AKAP7: variants seen among roughly 807,000 people sequenced by gnomAD.
AKAP7 encodes A-kinase anchoring protein 7.
In AKAP7, 39 loss-of-function variants were observed where a neutral mutation model predicts 39.5. The ratio of observed to expected loss-of-function variants is 0.99; its 90% confidence interval spans 0.76 to 1.29. AKAP7 has a LOEUF of 1.29. Ranked by LOEUF, AKAP7 falls within the 50% of genes most tolerant of loss-of-function variation. The probability of loss-of-function intolerance (pLI) is 0.00; values close to 1 mark genes in which losing one functional copy is unlikely to be tolerated. For missense variants in AKAP7, 414 were observed against 407.7 expected (o/e 1.02, Z -0.13); for synonymous variants, 140 against 139.1 (o/e 1.01, Z -0.05).
intron 7 of AKAP7, among the ~76,000 whole-genome samples, chr6:131,232,135 C>T (rs1342831914): frequency 2.6e-5 from 4 of 152,088 alleles, no homozygotes; most frequent in Admixed American, 6.6e-5. Flanking sequence ...TGGTTTCAAA[C>T]CTTATGATTT....
chr6:131,142,403 A>T (rs1801121413), intron 1 of AKAP7, among the ~76,000 whole-genome samples: 1 of 152,238 alleles, frequency 6.6e-6, no homozygotes, highest in Non-Finnish European at 1.5e-5. Context: ...GCTGTGGCTC[A>T]AAAGGCCCCA....
At chr6:131,231,166 A>T (rs1810592257) in intron 7 of AKAP7, among the ~76,000 whole-genome samples, 1 of 152,066 alleles carries the variant, frequency 6.6e-6, no homozygotes, top group Non-Finnish European at 1.5e-5. Context: ...TGGTTTGATA[A>T]CTCTCTAATT....
intron 7 of AKAP7, among the ~76,000 whole-genome samples, chr6:131,259,953 C>CT (rs397822975): frequency 4.6e-5 from 7 of 152,100 alleles, no homozygotes; most frequent in African/African-American, 1.4e-4. Context: ...TCTCTTGCCC[C>CT]TCATCCACCC....
At chr6:131,246,094 AATAT>A (rs57449798) in intron 7 of AKAP7, among the ~76,000 whole-genome samples, 22 of 143,950 alleles carry the variant, frequency 1.5e-4, no homozygotes, top group African/African-American at 2.0e-4. Flanking sequence ...CAGAAGTCCA[AATAT>A]ATATATATAT....
chr6:131,208,745 G>A (rs755621031), intron 6 of AKAP7, among the ~76,000 whole-genome samples: 1 of 152,222 alleles, frequency 6.6e-6, no homozygotes, highest in African/African-American at 2.4e-5. Flanking sequence ...CAACAACAGA[G>A]ATTCTTTTTT....
At chr6:131,270,607 C>A (rs567707862) in intron 7 of AKAP7, among the ~76,000 whole-genome samples, 1 of 152,106 alleles carries the variant, frequency 6.6e-6, no homozygotes, top group Non-Finnish European at 1.5e-5. Flanking sequence ...TAATGGGTTG[C>A]GTTGTAAGAA....
At chr6:131,154,711 T>C (rs1408619313) in intron 2 of AKAP7, among the ~76,000 whole-genome samples, 1 of 152,138 alleles carries the variant, frequency 6.6e-6, no homozygotes, top group Non-Finnish European at 1.5e-5. Flanking sequence ...ATTCTTAATG[T>C]CATCAAATAG....
chr6:131,261,513 A>C (rs1813336192), intron 7 of AKAP7, among the ~76,000 whole-genome samples: 1 of 152,142 alleles, frequency 6.6e-6, no homozygotes, highest in African/African-American at 2.4e-5. Flanking sequence ...TGGTAAATTT[A>C]ACATAAAAAT....
chr6:131,170,160 G>C (rs7383542), intron 5 of AKAP7, among the ~76,000 whole-genome samples: 2 of 116,046 alleles, frequency 1.7e-5, no homozygotes, highest in Admixed American at 9.5e-5. Flanking sequence ...GGTGGGGGGA[G>C]GGGGGAGGGA....
intron 5 of AKAP7, 116 bp from the exon 6 acceptor site, chr6:131,199,345 A>T (rs1807285862): frequency 1.5e-6 from 1 of 683,210 alleles, no homozygotes; most frequent in Admixed American, 3.1e-5. Flanking sequence ...CAGGTGTATA[A>T]AGTAATCTTC....
chr6:131,248,310 C>G (rs1326071901), intron 7 of AKAP7, among the ~76,000 whole-genome samples: 1 of 152,204 alleles, frequency 6.6e-6, no homozygotes, highest in Non-Finnish European at 1.5e-5. Context: ...GCATGAGTTT[C>G]ATAACTGTTA....
chr6:131,261,080 C>T (rs1436332591), intron 7 of AKAP7, among the ~76,000 whole-genome samples: 1 of 152,016 alleles, frequency 6.6e-6, no homozygotes, highest in Non-Finnish European at 1.5e-5. Context: ...CCTGTAATCG[C>T]AGCTACTCAG....
At position 131,174,466 on chromosome 6, in the gene AKAP7, G is replaced by A. The variant is rs150836602; in HGVS notation, c.589+5193G>A. ...CCTCAGGCTGGGCACACTGGCTTGC[G>A]CCGATAATCCCAGCCACTCAGCAGA... is the stretch of plus-strand genomic sequence containing the variant. On this transcript the variant is annotated intron_variant, in intron 5 of 7. Transcript: ENST00000431975. Among the ~76,000 whole-genome samples, 586 of 152,292 alleles carry A rather than the reference G, an allele frequency of 3.8e-3. 5 individuals are homozygous for A. The highest frequency in any genetic ancestry group is 0.014 in the African/African-American group (566 of 41,568).
At position 131,200,397 on chromosome 6, in the gene AKAP7, G is replaced by T. The variant is rs1204313407; in HGVS notation, c.702+824G>T. Among the ~76,000 whole-genome samples, 5 of 152,196 alleles carry T rather than the reference G, an allele frequency of 3.3e-5. No homozygotes were observed. The East Asian group carries it at 9.6e-4, about 29-fold the overall frequency. On this transcript the variant is annotated intron_variant, in intron 6 of 7. Transcript: ENST00000431975. Reference sequence around the variant, plus strand: ...TCATATACCAGAGTTTTGGAGATGGGCATGCAGATTAATATCCGCTCCCTG... The same window carrying T: ...TCATATACCAGAGTTTTGGAGATGGTCATGCAGATTAATATCCGCTCCCTG...
chr6:131,135,801 G>GCGGGC lies in AKAP7; in HGVS notation c.19+24_19+28dup. 1 of 1,227,418 alleles carries GCGGGC rather than the reference G, an allele frequency of 8.1e-7. No homozygotes were observed. The highest frequency in any genetic ancestry group is 4.2e-5 in the Admixed American group (1 of 23,532). 76.0% of individuals were successfully genotyped at this position (1,227,418 alleles called of 1,614,324 possible). On this transcript the variant is annotated intron_variant, in intron 1 of 7. Coordinates refer to ENST00000431975, the MANE Select transcript of AKAP7 (RefSeq NM_016377.4). ...GAAGCGGGTGAGACCGGGCTGTCCA[G>GCGGGC]CGGGCCGGGGCGGGGGCGACAGGAG...
At chr6:131,154,245 G>T (rs1802210747) in intron 2 of AKAP7, among the ~76,000 whole-genome samples, 1 of 152,060 alleles carries the variant, frequency 6.6e-6, no homozygotes, top group African/African-American at 2.4e-5. Flanking sequence ...CTTCTAAGTT[G>T]ATTTCATAAC....
At chr6:131,194,919 G>A (rs986881750) in intron 5 of AKAP7, among the ~76,000 whole-genome samples, 2 of 151,932 alleles carry the variant, frequency 1.3e-5, no homozygotes, top group African/African-American at 4.8e-5. Flanking sequence ...TTCCCAGTCT[G>A]TGTGCATCTT....
chr6:131,206,906 A>G (rs1808159906), intron 6 of AKAP7, among the ~76,000 whole-genome samples: 1 of 152,178 alleles, frequency 6.6e-6, no homozygotes, highest in South Asian at 2.1e-4. Flanking sequence ...TTTATAAACC[A>G]TGTTAAAACT....
At chr6:131,172,654 A>C (rs577441644) in intron 5 of AKAP7, among the ~76,000 whole-genome samples, 92 of 152,260 alleles carry the variant, frequency 6.0e-4, no homozygotes, top group African/African-American at 2.2e-3. Context: ...ATTTGTTGCA[A>C]GAGCGTCTAT....
Sources: allele counts gnomAD v4.1 joint callset (sites outside exome capture counted in the v4.1 genomes callset), GRCh38; gene constraint gnomAD v4.1.1; transcripts MANE v1.5; gene names NCBI Gene and HGNC (gene_info 2026-07-23, HGNC 2026-07-21).